The following ATG4A variants were observed in gnomAD, a reference collection of about 807,000 sequenced individuals.
ATG4A encodes autophagy related 4A cysteine peptidase, also known as cysteine protease ATG4A.
A neutral mutation model predicts 38.4 loss-of-function variants in ATG4A; 22 were observed. That is an observed-to-expected ratio of 0.57 (90% CI 0.41 to 0.82). ATG4A has a LOEUF of 0.82. ATG4A is among the 40% of genes least tolerant of loss of function. ATG4A has a pLI of 0.00. For synonymous variants in ATG4A, 86 were observed against 100.7 expected, an observed-to-expected ratio of 0.85 and a Z score of 0.88; for missense variants, 220 against 290.0, an observed-to-expected ratio of 0.76 and a Z score of 1.75.
intron 6 of ATG4A, among the ~76,000 whole-genome samples, chrX:108,135,662 A>T (rs779710266): frequency 3.7e-4 from 41 of 111,951 alleles, no homozygotes; most frequent in Non-Finnish European, 7.5e-4. Context: ...AAAGTATAAG[A>T]TATTAGAATG....
At chrX:108,095,322 A>T (rs807184) in intron 1 of ATG4A, among the ~76,000 whole-genome samples, 55,469 of 110,614 alleles carry the variant, frequency 0.5, 10,826 homozygotes, top group African/African-American at 0.69. Flanking sequence ...CCTCCCTAGC[A>T]CAAGCAATCC....
At chrX:108,107,888 C>T (rs1343118456) in intron 1 of ATG4A, among the ~76,000 whole-genome samples, 1 of 111,323 alleles carries the variant, frequency 9.0e-6, no homozygotes, top group Admixed American at 9.5e-5. Context: ...GGACTCATTA[C>T]TGCCTGGCAA....
intron 1 of ATG4A, among the ~76,000 whole-genome samples, chrX:108,116,057 T>C (rs1461406125): frequency 8.9e-6 from 1 of 112,068 alleles, no homozygotes; most frequent in East Asian, 2.8e-4. Flanking sequence ...AATTGCAAGC[T>C]GTATCTTTTT....
intron 4 of ATG4A, among the ~76,000 whole-genome samples, chrX:108,133,323 G>A (rs56239218): frequency 0.5 from 55,469 of 110,940 alleles, 10,794 homozygotes; most frequent in African/African-American, 0.69. Flanking sequence ...GATTACATAG[G>A]GTTTTTGCAG....
In ATG4A at chrX:108,134,368, A is replaced by G. The variant is rs1280412095; in HGVS notation, c.424A>G (p.Ile142Val). Residue 142 changes from isoleucine (I) to valine (V), a missense_variant, in exon 6 of 13, where the codon ATT becomes GTT. Around this residue, in one of 3 missense-constraint regions of ATG4A, gnomAD observed 159 missense variants for 188.9 expected, o/e 0.84. Coordinates refer to ENST00000372232, the MANE Select transcript of ATG4A (RefSeq NM_052936.5). ...AATGGGTGTAGGAGAAGGGAAATCA[A>G]TTGGAGAATGGTTTGGACCAAATAC... is the stretch of plus-strand genomic sequence containing the variant. ...AQMGVGEGKS[I>V]GEWFGPNTVA... is the part of the protein sequence containing the mutation. 4 of 1,209,945 alleles carry G rather than the reference A, an allele frequency of 3.3e-6. No homozygotes were observed. The highest frequency in any genetic ancestry group is 1.8e-5 in the South Asian group (1 of 56,698).
chrX:108,138,222 C>G, intron 9 of ATG4A, 31 bp downstream of exon 9: 1 of 1,166,782 alleles, frequency 8.6e-7, no homozygotes, highest in Non-Finnish European at 1.2e-6. Context: ...AGTAAGTCAT[C>G]GTGGGCTAGG....
rs1317900461 is a variant in ATG4A, at chrX:108,111,356, C to T, written c.11-14721C>T. On this transcript the variant is annotated intron_variant, in intron 1 of 12. Transcript: ENST00000372232. ...TATTTGCTGCTTGGCAAAATTGCTG[C>T]CCATGCCAGAGGCTCTGCTTATTTA... 2.7e-5 allele frequency among the ~76,000 whole-genome samples: 3 copies of T among 112,645 alleles called. No homozygotes were observed. The East Asian group carries it at 8.4e-4, about 31-fold the overall frequency.
At chrX:108,114,276 G>A in intron 1 of ATG4A, among the ~76,000 whole-genome samples, 1 of 111,449 alleles carries the variant, frequency 9.0e-6, no homozygotes, top group Non-Finnish European at 1.9e-5. Context: ...AGTTTACAAA[G>A]CATTTTCATA....
At chrX:108,137,301 G>A in intron 7 of ATG4A, 131 bp downstream of exon 7, 1 of 496,413 alleles carries the variant, frequency 2.0e-6, no homozygotes, top group East Asian at 4.2e-5. Context: ...GGGAGCACAG[G>A]GCTCTGATTC....
intron 6 of ATG4A, among the ~76,000 whole-genome samples, chrX:108,136,535 G>T (rs995044601): frequency 1.8e-5 from 2 of 111,624 alleles, no homozygotes; most frequent in Non-Finnish European, 3.8e-5. Flanking sequence ...CACTTGAGAG[G>T]CACTCTCAGG....
At chrX:108,123,174 G>A (rs895775208) in intron 1 of ATG4A, among the ~76,000 whole-genome samples, 2 of 111,779 alleles carry the variant, frequency 1.8e-5, no homozygotes, top group African/African-American at 6.5e-5. Flanking sequence ...AAGTACAGTG[G>A]AACAGGGTGA....
chrX:108,151,448 T>G (rs1236765356), intron 10 of ATG4A, among the ~76,000 whole-genome samples: 1 of 112,348 alleles, frequency 8.9e-6, no homozygotes, highest in Non-Finnish European at 1.9e-5. Context: ...CCATTTGGCT[T>G]TTGTTTGTTG....
chrX:108,118,712 T>C lies in ATG4A; in HGVS notation c.11-7365T>C, dbSNP rs141298592. On this transcript the variant is annotated intron_variant, in intron 1 of 12. Coordinates refer to ENST00000372232, the MANE Select transcript of ATG4A (RefSeq NM_052936.5). Reference sequence around the variant, plus strand: ...ATGTATGGTGCTGTCATCTGGAATATTCTCTCCTCTTGTCTCTGCTCACCC... The same window carrying C: ...ATGTATGGTGCTGTCATCTGGAATACTCTCTCCTCTTGTCTCTGCTCACCC... 4.0e-3 allele frequency among the ~76,000 whole-genome samples: 442 copies of C among 111,553 alleles called. 1 individual carries two copies. Among genetic ancestry groups the C allele is most frequent in the African/African-American group, 0.014 (418 of 30,644 alleles).
upstream of ATG4A, chrX:108,091,495 A>C: frequency 8.3e-7 from 1 of 1,211,936 alleles, no homozygotes; most frequent in Non-Finnish European, 1.1e-6. Flanking sequence ...GTTGCAGACC[A>C]TTAGGTTAGA....
chrX:108,127,750 C>G (rs778716118), intron 2 of ATG4A, among the ~76,000 whole-genome samples: 1 of 112,022 alleles, frequency 8.9e-6, no homozygotes, highest in African/African-American at 3.2e-5. Context: ...TCCCTTTGTT[C>G]TTTTTAAGTG....
At chrX:108,096,008 C>T (rs1275279434) in intron 1 of ATG4A, among the ~76,000 whole-genome samples, 2 of 112,329 alleles carry the variant, frequency 1.8e-5, no homozygotes, top group Non-Finnish European at 3.8e-5. Flanking sequence ...CCACATCCAG[C>T]CAAATTTCTC....
chrX:108,140,021 A>C (rs780892190), intron 9 of ATG4A, among the ~76,000 whole-genome samples: 259 of 112,381 alleles, frequency 2.3e-3, no homozygotes, highest in Non-Finnish European at 3.8e-3. Flanking sequence ...ACTGGGGGTT[A>C]GGATTTCAAC....
intron 9 of ATG4A, among the ~76,000 whole-genome samples, chrX:108,141,049 CATATATACGT>C (rs2033252171): frequency 6.7e-5 from 3 of 45,080 alleles, no homozygotes; most frequent in African/African-American, 8.9e-5. Context: ...CATATATATA[CATATATACGT>C]GTATATATAT....
At chrX:108,097,041 T>C (rs1455260346) in intron 1 of ATG4A, among the ~76,000 whole-genome samples, 4 of 111,881 alleles carry the variant, frequency 3.6e-5, no homozygotes, top group Non-Finnish European at 7.5e-5. Flanking sequence ...CAATAATAAC[T>C]AGCATTTATA....
Sources: allele counts gnomAD v4.1 joint callset (sites outside exome capture counted in the v4.1 genomes callset), GRCh38; gene constraint gnomAD v4.1.1; regional missense constraint gnomAD v4.1.1; transcripts MANE v1.5; gene names NCBI Gene and HGNC (gene_info 2026-07-23, HGNC 2026-07-21).